Variants in SOX6 observed in about 807,000 individuals in gnomAD.
The protein encoded by SOX6 is SRY-box transcription factor 6.
In SOX6, 11 loss-of-function variants were observed where a neutral mutation model predicts 97.8. The ratio of observed to expected loss-of-function variants is 0.11; its 90% CI spans 0.07 to 0.19. SOX6 has a LOEUF of 0.19. Ranked by LOEUF, SOX6 falls within the 10% of genes least tolerant of loss-of-function variation. The pLI is 1.00. For synonymous variants in SOX6, 360 were observed against 371.4 expected (o/e 0.97, Z 0.35); for missense variants, 810 against 1,039.5 (o/e 0.78, Z 3.04).
chr11:16,606,143 T>G (rs371459034), intron 4 of SOX6, among the ~76,000 whole-genome samples: 1 of 151,788 alleles, frequency 6.6e-6, no homozygotes, highest in African/African-American at 2.4e-5. Flanking sequence ...GCCCTCCCCC[T>G]AGTCTCGGTG....
intron 4 of SOX6, among the ~76,000 whole-genome samples, chr11:16,489,027 G>A (rs761881143): frequency 2.6e-5 from 4 of 151,914 alleles, no homozygotes; most frequent in Non-Finnish European, 5.9e-5. Flanking sequence ...CCAAAAAGGG[G>A]GGATAAAAAT....
chr11:16,046,447 G>C, intron 12 of SOX6, 67 bp downstream of exon 12: 1 of 1,571,820 alleles, frequency 6.4e-7, no homozygotes, highest in African/African-American at 1.3e-5. Flanking sequence ...CTGGGAGCCT[G>C]GAAAGAACCA....
intron 1 of SOX6, among the ~76,000 whole-genome samples, chr11:16,447,152 G>A (rs1025861467): frequency 6.6e-6 from 1 of 151,664 alleles, no homozygotes; most frequent in Non-Finnish European, 1.5e-5. Context: ...TTAAAAGTCT[G>A]TTTTTATTTG....
chr11:16,660,994 T>C (rs1047816823), intron 3 of SOX6, among the ~76,000 whole-genome samples: 14 of 152,234 alleles, frequency 9.2e-5, no homozygotes, highest in Non-Finnish European at 2.1e-4. Context: ...AGTTCAACTA[T>C]ACCCTTGCTA....
chr11:16,152,592 T>C (rs1850486381), intron 6 of SOX6, among the ~76,000 whole-genome samples: 1 of 152,136 alleles, frequency 6.6e-6, no homozygotes, highest in Admixed American at 6.6e-5. Flanking sequence ...GCCAAGATGG[T>C]CTTGATAAAC....
At chr11:16,285,455 A>C (rs1048262687) in intron 3 of SOX6, among the ~76,000 whole-genome samples, 2 of 152,030 alleles carry the variant, frequency 1.3e-5, no homozygotes, top group Admixed American at 1.3e-4. Context: ...AATCACTTGA[A>C]CCCAGGAGGC....
chr11:16,283,757 A>T (rs1854649842), intron 3 of SOX6: 1 of 261,054 alleles, frequency 3.8e-6, no homozygotes, highest in African/African-American at 2.3e-5. Context: ...TATATTTACC[A>T]TATTTTCTTG....
At chr11:16,624,408 G>C (rs10832654) in intron 3 of SOX6, among the ~76,000 whole-genome samples, 1 of 151,820 alleles carries the variant, frequency 6.6e-6, no homozygotes, top group African/African-American at 2.4e-5. Flanking sequence ...GGATGATCTC[G>C]ATCTCTTGAC....
chr11:16,261,588 A>G (rs1853900290), intron 3 of SOX6, among the ~76,000 whole-genome samples: 1 of 151,962 alleles, frequency 6.6e-6, no homozygotes, highest in Admixed American at 6.6e-5. Context: ...TACTCTGAGC[A>G]CTGAAGTTTT....
intron 9 of SOX6, among the ~76,000 whole-genome samples, chr11:16,061,637 C>T (rs1037549208): frequency 1.3e-5 from 2 of 151,792 alleles, no homozygotes; most frequent in African/African-American, 4.8e-5. Context: ...TACCTGACTT[C>T]AAATTACACT....
intron 6 of SOX6, among the ~76,000 whole-genome samples, chr11:16,178,724 C>T (rs1207389962): frequency 6.6e-6 from 1 of 151,838 alleles, no homozygotes; most frequent in Non-Finnish European, 1.5e-5. Context: ...AGATCCATTA[C>T]CTGATCAATA....
intron 6 of SOX6, among the ~76,000 whole-genome samples, chr11:16,166,356 G>C (rs1850888086): frequency 6.6e-6 from 1 of 152,062 alleles, no homozygotes; most frequent in African/African-American, 2.4e-5. Context: ...AAATATTTTA[G>C]TACAATTTGT....
chr11:16,207,456 A>T (rs1332246342), intron 4 of SOX6, among the ~76,000 whole-genome samples: 1 of 151,978 alleles, frequency 6.6e-6, no homozygotes, highest in Non-Finnish European at 1.5e-5. Flanking sequence ...TTAGCCAGGC[A>T]TGGTGGCGGG....
At chr11:16,256,146 A>G (rs1853675297) in intron 3 of SOX6, among the ~76,000 whole-genome samples, 2 of 152,034 alleles carry the variant, frequency 1.3e-5, no homozygotes, top group South Asian at 4.1e-4. Flanking sequence ...TGCCAATTCT[A>G]TATCATTTCT....
At chr11:16,022,472 C>T (rs1855095470) in intron 12 of SOX6, among the ~76,000 whole-genome samples, 1 of 151,430 alleles carries the variant, frequency 6.6e-6, no homozygotes, top group South Asian at 2.1e-4. Context: ...AGTGCAGTGG[C>T]ATGATCTCGG....
chr11:15,974,519 T>C (rs1292459325), intron 15 of SOX6, among the ~76,000 whole-genome samples: 2 of 148,346 alleles, frequency 1.3e-5, no homozygotes, highest in Non-Finnish European at 3.0e-5. Context: ...TAGGTATATC[T>C]CCCAATGCTA....
intron 1 of SOX6, among the ~76,000 whole-genome samples, chr11:16,429,767 G>T (rs758370810): frequency 2.0e-4 from 30 of 152,114 alleles, no homozygotes; most frequent in African/African-American, 7.2e-4. Flanking sequence ...TCTGTACAAT[G>T]AACCCCTATG....
chr11:16,385,507 T>G (rs1209285831), intron 1 of SOX6, among the ~76,000 whole-genome samples: 1 of 152,086 alleles, frequency 6.6e-6, no homozygotes, highest in Non-Finnish European at 1.5e-5. Context: ...CTCAGTAGTG[T>G]CATTATTTTC....
intron 9 of SOX6, among the ~76,000 whole-genome samples, chr11:16,091,988 T>C (rs923742525): frequency 6.6e-6 from 1 of 152,036 alleles, no homozygotes; most frequent in Non-Finnish European, 1.5e-5. Context: ...CAATATTAAG[T>C]TTGTTTTTTT....
Sources: gnomAD v4.1 joint callset for allele counts (sites outside exome capture counted in the v4.1 genomes callset) on GRCh38, gnomAD v4.1.1 for gene constraint, MANE v1.5 for transcripts, NCBI Gene and HGNC (gene_info 2026-07-23, HGNC 2026-07-21) for gene names.